Variants in LGMN observed in about 807,000 individuals in gnomAD.
LGMN encodes asparaginyl endopeptidase.
Under a neutral mutation model 56.8 loss-of-function variants are expected in LGMN, and 36 were observed. The observed-to-expected ratio is 0.63, with a 90% CI of 0.49 to 0.84. The LOEUF (loss-of-function observed/expected upper bound fraction) is 0.84, where lower values mean the gene tolerates loss of function less well. LGMN is among the 40% of genes least tolerant of loss of function. The probability of loss-of-function intolerance (pLI) is 0.00; values close to 1 mark genes in which losing one functional copy is unlikely to be tolerated. For missense variants in LGMN, 446 were observed against 556.1 expected, an observed-to-expected ratio of 0.80 and a Z score of 1.99; for synonymous variants, 199 against 210.1, an observed-to-expected ratio of 0.95 and a Z score of 0.46.
At chr14:92,733,981 C>T (rs191249456) in intron 1 of LGMN, among the ~76,000 whole-genome samples, 33 of 152,222 alleles carry the variant, frequency 2.2e-4, no homozygotes, top group African/African-American at 5.8e-4. Flanking sequence ...CCTTTTAATA[C>T]AGTTAATGTG....
rs1889659819 is a variant in LGMN at position 92,709,851 on chromosome 14, T to C, written c.841A>G (p.Met281Val). The C allele has an allele frequency of 6.2e-7, 1 of 1,609,394 alleles. No individual in the cohort carries two copies. The highest frequency in any genetic ancestry group is 8.5e-7 in the Non-Finnish European group (1 of 1,177,088). The change falls in exon 11 of 14, where the codon ATG (methionine) becomes GTG (valine). Residue 281 changes from methionine to valine, a missense_variant. By Grantham distance (21) the Met-to-Val change is conservative. Coordinates refer to ENST00000334869, the MANE Select transcript of LGMN (RefSeq NM_005606.7). ...GNKTISTMKV[M>V]QFQGMKRKAS... ...TTGCGTTTCATACCCTGAAACTGCA[T>C]CACTTTCATGGTGGAGATTGTCTGG... is the stretch of plus-strand genomic sequence containing the variant.
At chr14:92,724,197 T>G (rs569801632) in intron 2 of LGMN, among the ~76,000 whole-genome samples, 4 of 152,380 alleles carry the variant, frequency 2.6e-5, no homozygotes, top group South Asian at 4.1e-4. Context: ...ATATATTTTC[T>G]GCAGGGGCAG....
chr14:92,712,091 G>T (rs1260173507), intron 8 of LGMN, 136 bp from the exon 9 acceptor site: 1 of 681,094 alleles, frequency 1.5e-6, no homozygotes, highest in Admixed American at 2.4e-5. Context: ...GCAGGGACAC[G>T]TAACTATACC....
intron 7 of LGMN, 38 bp downstream of exon 7, chr14:92,713,785 C>T: frequency 6.8e-7 from 1 of 1,480,130 alleles, no homozygotes; most frequent in South Asian, 1.1e-5. Context: ...TTCCTCACAC[C>T]CCCCGCCCCC....
intron 11 of LGMN, among the ~76,000 whole-genome samples, chr14:92,709,288 C>T (rs188587053): frequency 4.1e-4 from 63 of 152,052 alleles, no homozygotes; most frequent in African/African-American, 1.3e-3. Context: ...TAGAGGCGCA[C>T]GCCACCGTAC....
chr14:92,727,138 A>G (rs1464836947), intron 2 of LGMN, among the ~76,000 whole-genome samples: 2 of 152,130 alleles, frequency 1.3e-5, no homozygotes, highest in African/African-American at 4.8e-5. Flanking sequence ...CAGAGTAGCA[A>G]GATGAAAAGA....
At chr14:92,748,052 CGTT>C (rs1891895425) in intron 1 of LGMN, among the ~76,000 whole-genome samples, 2 of 152,252 alleles carry the variant, frequency 1.3e-5, no homozygotes, top group East Asian at 1.9e-4. Context: ...CTGTTGTCGT[CGTT>C]AATAGCCCTT....
In LGMN at chr14:92,724,478, A is replaced by G. The variant is rs577133337; in HGVS notation, c.139-5634T>C. Among the ~76,000 whole-genome samples, 3 of 152,362 alleles carry G rather than the reference A, an allele frequency of 2.0e-5. No homozygotes were observed. In the East Asian group the frequency reaches 5.8e-4, roughly 29 times the overall value. ...AGTCAAATATTTACTAGCACTCAAA[A>G]GAGATACAAGTGGGGTTCAACTCAA... On this transcript the variant is annotated intron_variant, in intron 2 of 13. Transcript: ENST00000334869.
At chr14:92,734,718 A>G (rs1891218164) in intron 1 of LGMN, among the ~76,000 whole-genome samples, 1 of 152,188 alleles carries the variant, frequency 6.6e-6, no homozygotes, top group Non-Finnish European at 1.5e-5. Context: ...ACCCTTAAAT[A>G]CATTGTTAAA....
intron 2 of LGMN, among the ~76,000 whole-genome samples, chr14:92,730,237 A>C (rs1890980903): frequency 6.6e-6 from 1 of 152,166 alleles, no homozygotes. Context: ...GTCTGTGGTT[A>C]AGTATTAAAG....
chr14:92,710,708 C>G (rs998852618), intron 10 of LGMN, among the ~76,000 whole-genome samples: 1 of 152,230 alleles, frequency 6.6e-6, no homozygotes, highest in Non-Finnish European at 1.5e-5. Flanking sequence ...ATGATGAGGA[C>G]ACTGTGAAGA....
At chr14:92,746,791 C>T (rs1422006708) in intron 1 of LGMN, among the ~76,000 whole-genome samples, 1 of 152,094 alleles carries the variant, frequency 6.6e-6, no homozygotes, top group African/African-American at 2.4e-5. Context: ...AATCTCAGCA[C>T]TTTGGGAGGC....
At chr14:92,708,881 A>AAAAAAAAAAAAC (rs1889587964) in intron 11 of LGMN, among the ~76,000 whole-genome samples, 8 of 146,400 alleles carry the variant, frequency 5.5e-5, no homozygotes, top group Admixed American at 6.8e-5. Flanking sequence ...AAAAAAAAAA[A>AAAAAAAAAAAAC]TCTTGCCTAG....
chr14:92,729,295 C>T (rs997617094), intron 2 of LGMN, among the ~76,000 whole-genome samples: 2 of 151,682 alleles, frequency 1.3e-5, no homozygotes, highest in African/African-American at 2.4e-5. Flanking sequence ...GGCACTCATG[C>T]TTGGCTGCTC....
chr14:92,729,869 G>A (rs1239717158), intron 2 of LGMN, among the ~76,000 whole-genome samples: 2 of 152,200 alleles, frequency 1.3e-5, no homozygotes, highest in African/African-American at 2.4e-5. Flanking sequence ...CCGGCCTTAA[G>A]GCCATCATCC....
intron 10 of LGMN, among the ~76,000 whole-genome samples, chr14:92,710,132 A>T (rs958245503): frequency 6.6e-6 from 1 of 152,226 alleles, no homozygotes; most frequent in African/African-American, 2.4e-5. Flanking sequence ...TCTACCAGTG[A>T]GTGACTCAAA....
chr14:92,725,438 T>C (rs868366319), intron 2 of LGMN, among the ~76,000 whole-genome samples: 19 of 152,232 alleles, frequency 1.2e-4, no homozygotes, highest in Non-Finnish European at 2.4e-4. Context: ...GGTCCCACGG[T>C]TCCAGCTACT....
At chr14:92,709,917 A>G (rs993618294) in intron 10 of LGMN, 45 bp from the exon 11 acceptor site, 3 of 1,496,204 alleles carry the variant, frequency 2.0e-6, no homozygotes, top group Admixed American at 3.7e-5. Context: ...AAAGCGAGAG[A>G]GAGTGAGAGA....
intron 4 of LGMN, among the ~76,000 whole-genome samples, chr14:92,716,641 A>C (rs983323297): frequency 6.6e-6 from 1 of 152,194 alleles, no homozygotes; most frequent in African/African-American, 2.4e-5. Flanking sequence ...TCAAACAAAC[A>C]AACACTATAC....
Sources: gnomAD v4.1 joint callset for allele counts (sites outside exome capture counted in the v4.1 genomes callset) on GRCh38, gnomAD v4.1.1 for gene constraint, MANE v1.5 for transcripts, NCBI Gene and HGNC (gene_info 2026-07-23, HGNC 2026-07-21) for gene names.